The following LRIG3 variants were observed in gnomAD, a reference collection of about 807,000 sequenced individuals.
The protein encoded by LRIG3 is leucine rich repeats and immunoglobulin like domains 3, also known as leucine-rich repeats and immunoglobulin-like domains protein 3.
LRIG3 carries 76 observed loss-of-function variants against 114.5 expected under a neutral mutation model. The observed-to-expected ratio is 0.66, with a 90% CI of 0.55 to 0.80. The LOEUF is 0.80. LRIG3 is among the 30% of genes least tolerant of loss of function. The probability of loss-of-function intolerance (pLI) is 0.00; values close to 1 mark genes in which losing one functional copy is unlikely to be tolerated. For synonymous variants in LRIG3, 512 were observed against 519.8 expected (o/e 0.98, Z 0.20); for missense variants, 1,239 against 1,382.8 (o/e 0.90, Z 1.65).
chr12:58,919,615 G>T lies in LRIG3; in HGVS notation c.236+385C>A, dbSNP rs11837603. 2.8e-3 allele frequency: 4,212 copies of T among 1,500,808 alleles called. 87 individuals are homozygous for T. The African/African-American group carries it at 0.05, about 18-fold the overall frequency. 93.0% of individuals were successfully genotyped at this position (1,500,808 alleles called of 1,614,324 possible). On this transcript the variant is annotated intron_variant, in intron 1 of 18. Transcript: ENST00000320743. ...AACTGAACCAGACTCATAACTCAGC[G>T]AGAACTGCAAACTCCTGATGTGTGC...
chr12:58,888,513 A>T (rs766156576), intron 6 of LRIG3, 41 bp from the exon 7 acceptor site: 3 of 1,606,042 alleles, frequency 1.9e-6, no homozygotes, highest in Non-Finnish European at 2.6e-6. Flanking sequence ...TCAAAACTTC[A>T]TTATCTAGTC....
intron 12 of LRIG3, among the ~76,000 whole-genome samples, chr12:58,881,251 T>C (rs959053186): frequency 6.6e-6 from 1 of 152,182 alleles, no homozygotes; most frequent in African/African-American, 2.4e-5. Flanking sequence ...TCAGGGATCA[T>C]TTTTGAATGC....
intron 3 of LRIG3, among the ~76,000 whole-genome samples, chr12:58,892,173 A>G (rs1181504071): frequency 6.6e-6 from 1 of 152,252 alleles, no homozygotes; most frequent in East Asian, 1.9e-4. Flanking sequence ...GCAAGCCATC[A>G]TAATTGTCAT....
intron 4 of LRIG3, among the ~76,000 whole-genome samples, chr12:58,890,353 T>A (rs754445954): frequency 2.0e-5 from 3 of 152,236 alleles, no homozygotes; most frequent in African/African-American, 7.2e-5. Flanking sequence ...AATTTTTTTA[T>A]AAATATCCAC....
chr12:58,909,607 T>C lies in LRIG3; in HGVS notation c.383+4375A>G, dbSNP rs183787953. ...CATCCTTATCACAGCTCACATTCAC[T>C]GAGCACTCAGTACATGCAAGACAGC... On this transcript the variant is annotated intron_variant, in intron 3 of 18. Coordinates refer to ENST00000320743, the MANE Select transcript of LRIG3 (RefSeq NM_153377.5). Among the ~76,000 whole-genome samples, 189 of 152,326 alleles carry C rather than the reference T, an allele frequency of 1.2e-3. 1 individual carries two copies. The highest frequency in any genetic ancestry group is 4.4e-3 in the African/African-American group (181 of 41,570).
intron 1 of LRIG3, among the ~76,000 whole-genome samples, chr12:58,917,746 G>A (rs1046604614): frequency 6.6e-6 from 1 of 152,156 alleles, no homozygotes; most frequent in Non-Finnish European, 1.5e-5. Context: ...TCATAAGCCA[G>A]TCCAAAGACA....
chr12:58,918,525 A>T (rs769751540), intron 1 of LRIG3, among the ~76,000 whole-genome samples: 12 of 152,218 alleles, frequency 7.9e-5, no homozygotes, highest in African/African-American at 2.7e-4. Flanking sequence ...GAATAATCTA[A>T]GCATATCTAA....
chr12:58,874,464 C>G lies in LRIG3; in HGVS notation c.2805G>C (p.Val935=), dbSNP rs756161153. 9 of 1,614,206 alleles carry G rather than the reference C, an allele frequency of 5.6e-6. No homozygotes were observed. The Admixed American group carries it at 1.5e-4, about 27-fold the overall frequency. ...ATGTTTCAAAAGGATCTGAGCCATA[C>G]ACATTTCCCTTCAAATACATAGGGC... is the stretch of plus-strand genomic sequence containing the variant. ...STGPMYLKGN[V]YGSDPFETYH... The change falls in exon 17 of 19, where the codon GTG becomes GTC. Residue 935 remains valine, a synonymous_variant. Coordinates refer to ENST00000320743, the MANE Select transcript of LRIG3 (RefSeq NM_153377.5).
chr12:58,888,696 C>T (rs1399737523), intron 6 of LRIG3, 123 bp downstream of exon 6: 3 of 1,392,180 alleles, frequency 2.2e-6, no homozygotes, highest in African/African-American at 2.9e-5. Context: ...TGAATACTGA[C>T]TTATAAATAA....
At chr12:58,911,131 T>C (rs1872259512) in intron 3 of LRIG3, among the ~76,000 whole-genome samples, 6 of 151,116 alleles carry the variant, frequency 4.0e-5, no homozygotes, top group Admixed American at 4.0e-4. Flanking sequence ...GGAAAGCATG[T>C]CTATTCAGGC....
Position 58,887,379 on chromosome 12 carries a change from T to C in LRIG3, c.1091+410A>G, listed in dbSNP as rs137867703. Among the ~76,000 whole-genome samples, 5 of 152,308 alleles carry C rather than the reference T, an allele frequency of 3.3e-5. No homozygotes were observed. In the East Asian group the frequency reaches 9.6e-4, roughly 29 times the overall value. On this transcript the variant is annotated intron_variant, in intron 8 of 18. Transcript: ENST00000320743. Reference sequence around the variant, plus strand: ...GTCAATTAATTTAACTCCCTTTTCTTTCTCTTAGGACAGAGATCAGGTTGA... The same window carrying C: ...GTCAATTAATTTAACTCCCTTTTCTCTCTCTTAGGACAGAGATCAGGTTGA...
intron 1 of LRIG3, among the ~76,000 whole-genome samples, chr12:58,919,266 A>C (rs1872584217): frequency 6.6e-6 from 1 of 152,180 alleles, no homozygotes; most frequent in Non-Finnish European, 1.5e-5. Flanking sequence ...CGCAGCTAAA[A>C]ATCCAAAAAC....
intron 3 of LRIG3, among the ~76,000 whole-genome samples, chr12:58,906,018 A>G (rs1392078566): frequency 1.3e-5 from 2 of 152,230 alleles, no homozygotes; most frequent in Non-Finnish European, 2.9e-5. Flanking sequence ...TGAAGCAAAC[A>G]GCCCATTCAT....
intron 3 of LRIG3, among the ~76,000 whole-genome samples, chr12:58,894,539 A>T (rs962430131): frequency 1.8e-4 from 27 of 152,354 alleles, no homozygotes; most frequent in African/African-American, 6.5e-4. Context: ...ATCCTAAAAA[A>T]AAAAACATAT....
At chr12:58,876,421 C>A in intron 16 of LRIG3, 24 bp downstream of exon 16, 1 of 1,609,996 alleles carries the variant, frequency 6.2e-7, no homozygotes, top group Non-Finnish European at 8.5e-7. Context: ...ACAATTACAG[C>A]CCACATTCAT....
intron 15 of LRIG3, 151 bp downstream of exon 15, chr12:58,877,249 G>GT: frequency 3.9e-6 from 3 of 768,266 alleles, no homozygotes; most frequent in Non-Finnish European, 6.1e-6. Flanking sequence ...TGGGGCTGGA[G>GT]TTTTTTAGCG....
In LRIG3 at chr12:58,880,696, A is replaced by G. The variant is rs1376487746; in HGVS notation, c.1686T>C (p.Tyr562=). The change falls in exon 13 of 19, where the codon TAT becomes TAC. Residue 562 remains tyrosine (Y), a synonymous_variant. Transcript: ENST00000320743. ...CCTCGCGCAGCCGAAGGATGGTGGTATACTCCATCACCTCGCCACCTTGGG... is the reference window on the plus strand; with the variant it reads ...CCTCGCGCAGCCGAAGGATGGTGGTGTACTCCATCACCTCGCCACCTTGGG... The part of the protein sequence containing the change: ...LRAQGGEVME[Y]TTILRLREVE... 6.2e-7 allele frequency: 1 copy of G among 1,614,194 alleles called. No homozygotes were observed. The highest frequency in any genetic ancestry group is 1.1e-5 in the South Asian group (1 of 91,084).
chr12:58,913,132 T>A (rs1213655844), intron 3 of LRIG3, among the ~76,000 whole-genome samples: 1 of 152,228 alleles, frequency 6.6e-6, no homozygotes, highest in Non-Finnish European at 1.5e-5. Context: ...AAATTTACTG[T>A]ATAATTTCAA....
At chr12:58,905,423 T>C (rs548595781) in intron 3 of LRIG3, among the ~76,000 whole-genome samples, 6 of 152,348 alleles carry the variant, frequency 3.9e-5, no homozygotes, top group Admixed American at 3.9e-4. Context: ...TTACAACTTA[T>C]CATATTAAGA....
Sources: allele counts gnomAD v4.1 joint callset (sites outside exome capture counted in the v4.1 genomes callset), GRCh38; gene constraint gnomAD v4.1.1; transcripts MANE v1.5; gene names NCBI Gene and HGNC (gene_info 2026-07-23, HGNC 2026-07-21).